HHATL: variants seen among roughly 807,000 people sequenced by gnomAD.
HHATL encodes the protein protein-cysteine N-palmitoyltransferase HHAT-like protein.
A neutral mutation model predicts 59.7 loss-of-function variants in HHATL; 49 were observed. The ratio of observed to expected loss-of-function variants is 0.82; its 90% CI spans 0.65 to 1.04. The LOEUF (loss-of-function observed/expected upper bound fraction) is 1.04, where lower values mean the gene tolerates loss of function less well. Ranked by LOEUF, HHATL falls within the 50% of genes least tolerant of loss-of-function variation. The pLI is 0.00. For synonymous variants in HHATL, 238 were observed against 257.3 expected (o/e 0.93, Z 0.72); for missense variants, 605 against 650.8 (o/e 0.93, Z 0.77).
At chr3:42,696,951 GA>G in intron 8 of HHATL, 49 bp downstream of exon 8, 1 of 1,613,936 alleles carries the variant, frequency 6.2e-7, no homozygotes, top group Non-Finnish European at 8.5e-7. Flanking sequence ...GAGGCTAGGG[GA>G]AGGTGTGGTC....
In HHATL at chr3:42,698,272, G is replaced by T. The variant is rs753308452; in HGVS notation, c.563C>A (p.Thr188Asn). The change falls in exon 6 of 12, where the codon ACC becomes AAC. Residue 188 changes from threonine (T) to asparagine (N), a missense_variant. Transcript: ENST00000441594. ...GGCACAGCTCTCCAGTGCAAAGCTG[G>T]TGCAACGCAGCACTGTGAAGCTGCT... ...GGSSFTVLRC[T>N]SFALESCAHP... 2 of 1,614,030 alleles carry T rather than the reference G, an allele frequency of 1.2e-6. No individual in the cohort carries two copies. The highest frequency in any genetic ancestry group is 1.7e-6 in the Non-Finnish European group (2 of 1,180,014).
In HHATL at chr3:42,698,076, A is replaced by G. The variant is rs543248421; in HGVS notation, c.693+66T>C. 1.1e-5 allele frequency: 16 copies of G among 1,491,536 alleles called. No homozygotes were observed. The South Asian group carries it at 1.8e-4, about 17-fold the overall frequency. 92.4% of individuals were successfully genotyped at this position (1,491,536 alleles called of 1,614,324 possible). The stretch of plus-strand genomic sequence containing the variant: ...GCCTGCTTGGGGAATTCTATCTGAG[A>G]TGGAAACCCCAATCTGAAAAGGGAG... On this transcript the variant is annotated intron_variant, in intron 6 of 11. Transcript: ENST00000441594.
At position 42,692,676 on chromosome 3, in the gene HHATL, T is replaced by C; in HGVS notation, c.*75A>G. ...GAACAGCCAAGCTGTTGTAGAAAAGTCTTTTATTCTATCGGTCAGGCCCCA... is the reference window on the plus strand; with the variant it reads ...GAACAGCCAAGCTGTTGTAGAAAAGCCTTTTATTCTATCGGTCAGGCCCCA... On this transcript the variant is annotated 3_prime_UTR_variant, in exon 12 of 12. Coordinates refer to ENST00000441594, the MANE Select transcript of HHATL (RefSeq NM_020707.4). The C allele has an allele frequency of 6.2e-7, 1 of 1,603,716 alleles. No homozygotes were observed. Among genetic ancestry groups the C allele is most frequent in the South Asian group, 1.1e-5 (1 of 89,734 alleles).
In HHATL at chr3:42,698,897, G is replaced by A; in HGVS notation, c.294C>T (p.Arg98=). The part of the protein sequence containing the change: ...KLCTMVAPKL[R]SWMYAVYGAL... ...CCCCGTACACAGCATACATCCAGGA[G>A]CGGAGCTGTGGGCAGGGAGAAGGCT... is the stretch of plus-strand genomic sequence containing the variant. The change falls in exon 5 of 12, where the codon CGC becomes CGT. Residue 98 remains arginine, a synonymous_variant. Transcript: ENST00000441594. 6.2e-7 allele frequency: 1 copy of A among 1,606,778 alleles called. No homozygotes were observed. Among genetic ancestry groups the A allele is most frequent in the Non-Finnish European group, 8.5e-7 (1 of 1,175,998 alleles).
chr3:42,694,236 C>T (rs1697497183), intron 9 of HHATL: 2 of 213,440 alleles, frequency 9.4e-6, no homozygotes. Flanking sequence ...CATTCAGTTG[C>T]TCAGGGTATA....
chr3:42,693,784 C>A lies in HHATL; in HGVS notation c.1081G>T (p.Ala361Ser). The change falls in exon 10 of 12, where the codon GCT becomes TCT. Residue 361 changes from alanine to serine, a missense_variant. Physicochemically the swap from Ala to Ser is moderately conservative, Grantham distance 99. Coordinates refer to ENST00000441594, the MANE Select transcript of HHATL (RefSeq NM_020707.4). Reference sequence around the variant, plus strand: ...GTGGCTGCCAGCTCTGGGATCACAGCGGAATGCTCCCCACCAATGTGGTTA... The same window carrying A: ...GTGGCTGCCAGCTCTGGGATCACAGAGGAATGCTCCCCACCAATGTGGTTA... Reference protein sequence around the residue: ...VYNHIGGEHSAVIPELAATVA... With the variant: ...VYNHIGGEHSSVIPELAATVA... 6.2e-7 allele frequency: 1 copy of A among 1,613,958 alleles called. No individual in the cohort carries two copies. The highest frequency in any genetic ancestry group is 8.5e-7 in the Non-Finnish European group (1 of 1,179,986).
At chr3:42,700,076 G>C (rs1322633939) in intron 2 of HHATL, among the ~76,000 whole-genome samples, 1 of 142,532 alleles carries the variant, frequency 7.0e-6, no homozygotes, top group Non-Finnish European at 1.6e-5. Context: ...CGGGGTCCAG[G>C]TCTCTGTGTG....
chr3:42,692,878 G>A lies in HHATL; in HGVS notation c.1391-3C>T. 6.2e-7 allele frequency: 1 copy of A among 1,614,010 alleles called. No homozygotes were observed. Among genetic ancestry groups the A allele is most frequent in the Non-Finnish European group, 8.5e-7 (1 of 1,179,858 alleles). ...GGACAGCGTGGTCTGGGGGAACCCT[G>A]TGTGGGGAGGGAGTCATAGATGCTC... On this transcript the variant is annotated splice_region_variant and splice_polypyrimidine_tract_variant and intron_variant, in intron 11 of 11. Transcript: ENST00000441594.
chr3:42,697,878 G>A (rs1056893049), intron 6 of HHATL, among the ~76,000 whole-genome samples, 199 bp from the exon 7 acceptor site: 1 of 152,178 alleles, frequency 6.6e-6, no homozygotes, highest in African/African-American at 2.4e-5. Context: ...TGTCCTGGGA[G>A]CCCCATTTGA....
At chr3:42,693,861 G>A in intron 9 of HHATL, 43 bp from the exon 10 acceptor site, 1 of 1,536,636 alleles carries the variant, frequency 6.5e-7, no homozygotes, top group Non-Finnish European at 9.0e-7. Flanking sequence ...GTGTGGGAAA[G>A]GGCAGGGATG....
At chr3:42,700,613 G>A in intron 2 of HHATL, 108 bp downstream of exon 2, 2 of 665,842 alleles carry the variant, frequency 3.0e-6, no homozygotes, top group Non-Finnish European at 5.2e-6. Flanking sequence ...GTTCTAGAAG[G>A]AGTACCCTAG....
In HHATL at chr3:42,697,639, C is replaced by T; in HGVS notation, c.734G>A (p.Trp245Ter). Residue 245 changes from tryptophan to a stop codon, truncating the protein, a stop_gained, in exon 7 of 12, where the codon TGG becomes TAG. Coordinates refer to ENST00000441594, the MANE Select transcript of HHATL (RefSeq NM_020707.4). LOFTEE classifies it high-confidence loss of function. ...TAGGCCTGCCTGGGCTCGGATGTGC[C>T]ACAGCTCACCCTCGCGTCTCACTGG... is the stretch of plus-strand genomic sequence containing the variant. ...VEPVRREGEL[W>*]HIRAQAGLSV... 1 of 1,614,076 alleles carries T rather than the reference C, an allele frequency of 6.2e-7. No homozygotes were observed. The highest frequency in any genetic ancestry group is 8.5e-7 in the Non-Finnish European group (1 of 1,179,954).
chr3:42,700,715 C>T lies in HHATL; in HGVS notation c.106+6G>A, dbSNP rs1697930294. 1 of 1,600,946 alleles carries T rather than the reference C, an allele frequency of 6.2e-7. No homozygotes were observed. The highest frequency in any genetic ancestry group is 8.6e-7 in the Non-Finnish European group (1 of 1,168,816). ...CTGTCCACCTGCCCCGGGGCACAGCCATTACCTTGTGAAGCCTCAAGGAGG... is the reference window on the plus strand; with the variant it reads ...CTGTCCACCTGCCCCGGGGCACAGCTATTACCTTGTGAAGCCTCAAGGAGG... On this transcript the variant is annotated splice_donor_region_variant and intron_variant, in intron 2 of 11. Coordinates refer to ENST00000441594, the MANE Select transcript of HHATL (RefSeq NM_020707.4).
intron 10 of HHATL, 112 bp downstream of exon 10, chr3:42,693,505 G>T: frequency 4.3e-6 from 4 of 932,518 alleles, no homozygotes; most frequent in South Asian, 3.2e-5. Context: ...AGAGGGTGGT[G>T]GTGAGAAAGT....
At chr3:42,693,499 G>T (rs1443832928) in intron 10 of HHATL, 118 bp downstream of exon 10, 12 of 897,544 alleles carry the variant, frequency 1.3e-5, no homozygotes, top group Non-Finnish European at 2.1e-5. Context: ...CAACTAAGAG[G>T]GTGGTGGTGA....
chr3:42,695,296 C>T (rs1697557180), intron 9 of HHATL, among the ~76,000 whole-genome samples: 1 of 152,202 alleles, frequency 6.6e-6, no homozygotes. Context: ...CACCACCGTC[C>T]TTAGCAGGCT....
At chr3:42,699,431 G>C (rs1697833673) in intron 3 of HHATL, among the ~76,000 whole-genome samples, 1 of 152,116 alleles carries the variant, frequency 6.6e-6, no homozygotes, top group Non-Finnish European at 1.5e-5. Context: ...GGCACCATGG[G>C]GGCTGCCGGG....
Position 42,693,627 on chromosome 3 carries a change from G to A in HHATL, c.1238C>T (p.Ala413Val), listed in dbSNP as rs758563833. The change falls in exon 10 of 12, where the codon GCA (alanine) becomes GTA (valine). Residue 413 changes from alanine (A) to valine (V), a missense_variant. Physicochemically the swap from Ala to Val is moderately conservative, Grantham distance 64 (BLOSUM62 0). Transcript: ENST00000441594. Reference protein sequence around the residue: ...MQKLAEWGPLARIEASLSVQM... With the variant: ...MQKLAEWGPLVRIEASLSVQM... ...GTCTTCCCTGCTCACCTCAATTCGTGCTAGGGGCCCCCACTCTGCCAGTTT... is the reference window on the plus strand; with the variant it reads ...GTCTTCCCTGCTCACCTCAATTCGTACTAGGGGCCCCCACTCTGCCAGTTT... The A allele has an allele frequency of 6.2e-7, 1 of 1,613,948 alleles. No homozygotes were observed. The highest frequency in any genetic ancestry group is 8.5e-7 in the Non-Finnish European group (1 of 1,179,912).
chr3:42,695,745 T>G (rs749179980), intron 9 of HHATL, among the ~76,000 whole-genome samples: 3 of 152,164 alleles, frequency 2.0e-5, no homozygotes, highest in Non-Finnish European at 4.4e-5. Flanking sequence ...CTTGTCTACA[T>G]TAACCTGCTT....
Sources: allele counts gnomAD v4.1 joint callset (sites outside exome capture counted in the v4.1 genomes callset), GRCh38; gene constraint gnomAD v4.1.1; transcripts MANE v1.5; gene names NCBI Gene and HGNC (gene_info 2026-07-23, HGNC 2026-07-21).